HLTF: variants seen among roughly 807,000 people sequenced by gnomAD.
The protein encoded by HLTF is DNA-dependent ATPase/E3 ubiquitin-protein ligase HLTF.
In HLTF, 127 loss-of-function variants were observed where a neutral mutation model predicts 129.4. The observed-to-expected ratio is 0.98, with a 90% CI of 0.85 to 1.14. The LOEUF is 1.14. Among genes scored for constraint, HLTF ranks in the 50% most tolerant of loss-of-function variants. The pLI is 0.00. For missense variants in HLTF, 1,139 were observed against 1,187.1 expected (o/e 0.96, Z 0.60); for synonymous variants, 332 against 388.8 (o/e 0.85, Z 1.72).
At chr3:149,085,737 C>A (rs1452402323) in intron 1 of HLTF, among the ~76,000 whole-genome samples, 1 of 152,188 alleles carries the variant, frequency 6.6e-6, no homozygotes, top group Non-Finnish European at 1.5e-5. Context: ...TTAAGCATAA[C>A]CCCAAACCCA....
chr3:149,040,202 A>C, intron 20 of HLTF, 46 bp from the exon 21 acceptor site: 1 of 1,544,224 alleles, frequency 6.5e-7, no homozygotes, highest in Non-Finnish European at 8.7e-7. Flanking sequence ...ACAGAAGAAC[A>C]AATATAAATA....
At chr3:149,034,416 G>C (rs1197045875) in intron 24 of HLTF, among the ~76,000 whole-genome samples, 1 of 152,160 alleles carries the variant, frequency 6.6e-6, no homozygotes, top group African/African-American at 2.4e-5. Flanking sequence ...GTAGTTGCCA[G>C]GGGCTGGGGG....
chr3:149,035,998 G>A (rs1386717327), intron 23 of HLTF, among the ~76,000 whole-genome samples: 1 of 151,610 alleles, frequency 6.6e-6, no homozygotes, highest in Non-Finnish European at 1.5e-5. Context: ...AGCCGGGCGT[G>A]GTGGCAGGCG....
intron 10 of HLTF, among the ~76,000 whole-genome samples, chr3:149,061,449 T>G (rs1717940816): frequency 6.7e-6 from 1 of 149,270 alleles, no homozygotes. Context: ...AAAATAAATT[T>G]GAAAAACTAA....
In HLTF at chr3:149,084,741, AATC is replaced by A. The variant is rs1720201237; in HGVS notation, c.166_168del (p.Asp56del). 8 of 1,614,112 alleles carry A rather than the reference AATC, an allele frequency of 5.0e-6. No homozygotes were observed. The highest frequency in any genetic ancestry group is 5.1e-6 in the Non-Finnish European group (6 of 1,179,992). On this transcript the variant is annotated inframe_deletion, in exon 2 of 25. Transcript: ENST00000310053. ...CCTCTCAAACTTCCAAATAAAACGGAATCTACTTCTTCATCACTAGTTAGAAAG... is the reference window on the plus strand; with the variant it reads ...CCTCTCAAACTTCCAAATAAAACGGATACTTCTTCATCACTAGTTAGAAAG...
chr3:149,075,980 T>G lies in HLTF; in HGVS notation c.296A>C (p.Lys99Thr). The G allele has an allele frequency of 6.4e-7, 1 of 1,569,364 alleles. No homozygotes were observed. Residue 99 changes from lysine to threonine, a missense_variant, in exon 3 of 25, where the codon AAA becomes ACA. Coordinates refer to ENST00000310053, the MANE Select transcript of HLTF (RefSeq NM_003071.4). The part of the protein sequence containing the change: ...PNNPYDKNAI[K>T]VNNVNGNQVG... ...TTGATTTCCATTCACATTGTTTACT[T>G]TAATTGCATTCTTATCATAAGGGTT...
chr3:149,041,248 A>T (rs545770346), intron 20 of HLTF, among the ~76,000 whole-genome samples: 78 of 152,276 alleles, frequency 5.1e-4, no homozygotes, highest in African/African-American at 1.8e-3. Context: ...TCACATTATC[A>T]ATCCATTTAT....
Position 149,036,297 on chromosome 3 carries a change from G to GTTTTTTTTTTTTTTTTTT in HLTF, c.2797-1300_2797-1299insAAAAAAAAAAAAAAAAAA, listed in dbSNP as rs71135656. 1.5e-4 allele frequency among the ~76,000 whole-genome samples: 16 copies of GTTTTTTTTTTTTTTTTTT among 107,970 alleles called. 3 individuals carry two copies. The highest frequency in any genetic ancestry group is 3.0e-4 in the East Asian group (1 of 3,372). The allele number at this position is 107,970 out of a possible 152,430, so 70.8% of individuals were successfully genotyped here. A position where few individuals can be genotyped will look rare whatever the true frequency, so the allele number is the denominator to read the frequency against. On this transcript the variant is annotated intron_variant, in intron 23 of 24. Transcript: ENST00000310053. ...TTAAATTTTAAATTAAAACTATGAG[G>GTTTTTTTTTTTTTTTTTT]TTTTTTTTTTGAGATGGAGTCTCGC...
At chr3:149,072,236 T>C (rs1393514879) in intron 5 of HLTF, among the ~76,000 whole-genome samples, 4 of 152,216 alleles carry the variant, frequency 2.6e-5, no homozygotes, top group African/African-American at 7.2e-5. Flanking sequence ...GTCACAGTTT[T>C]ATCACAAATA....
At chr3:149,074,943 T>C (rs577890731) in intron 3 of HLTF, among the ~76,000 whole-genome samples, 27 of 152,072 alleles carry the variant, frequency 1.8e-4, no homozygotes, top group African/African-American at 6.3e-4. Context: ...AACTGAAAGA[T>C]TGAAAGAGTT....
intron 24 of HLTF, among the ~76,000 whole-genome samples, chr3:149,034,423 G>C (rs1400067306): frequency 6.6e-6 from 1 of 152,102 alleles, no homozygotes; most frequent in Admixed American, 6.5e-5. Flanking sequence ...CCAGGGGCTG[G>C]GGGGAGAGGA....
At chr3:149,079,468 T>C (rs138305266) in intron 2 of HLTF, among the ~76,000 whole-genome samples, 1,260 of 73,474 alleles carry the variant, frequency 0.017, 22 homozygotes, top group African/African-American at 0.057. Flanking sequence ...TTGTCCTATC[T>C]CATTAAAAAG....
Position 149,071,321 on chromosome 3 carries a change from T to C in HLTF, c.825A>G (p.Ile275Met), listed in dbSNP as rs757416768. Reference protein sequence around the residue: ...EQRNDLYYNTITNFSEKDRPE... With the variant: ...EQRNDLYYNTMTNFSEKDRPE... ...GTCGGTCCTTCTCAGAAAAATTTGT[T>C]ATTGTGTTATAGTATAAGTCATTTC... Residue 275 changes from isoleucine (I) to methionine (M), a missense_variant, in exon 7 of 25, where the codon ATA (isoleucine) becomes ATG (methionine). By Grantham distance (10) the Ile-to-Met change is conservative (BLOSUM62 1). Coordinates refer to ENST00000310053, the MANE Select transcript of HLTF (RefSeq NM_003071.4). 2 of 1,610,886 alleles carry C rather than the reference T, an allele frequency of 1.2e-6. No individual in the cohort carries two copies. Among genetic ancestry groups the C allele is most frequent in the South Asian group, 2.2e-5 (2 of 90,308 alleles).
At chr3:149,065,416 A>C (rs777622439) in intron 8 of HLTF, among the ~76,000 whole-genome samples, 1 of 152,202 alleles carries the variant, frequency 6.6e-6, no homozygotes, top group Non-Finnish European at 1.5e-5. Context: ...AAAGGCACCA[A>C]TGTACATGAA....
At position 149,036,297 on chromosome 3, in the gene HLTF, G is replaced by GTTTTTTTTT. The variant is rs71135656; in HGVS notation, c.2797-1308_2797-1300dup. ...TTAAATTTTAAATTAAAACTATGAG[G>GTTTTTTTTT]TTTTTTTTTTGAGATGGAGTCTCGC... On this transcript the variant is annotated intron_variant, in intron 23 of 24. Transcript: ENST00000310053. Among the ~76,000 whole-genome samples, 7 of 107,982 alleles carry GTTTTTTTTT rather than the reference G, an allele frequency of 6.5e-5. 2 individuals are homozygous for GTTTTTTTTT. The highest frequency in any genetic ancestry group is 1.1e-4 in the Admixed American group (1 of 8,808). The allele number at this position is 107,982 out of a possible 152,430, so 70.8% of individuals were successfully genotyped here.
At chr3:149,057,528 T>C (rs564184364) in intron 13 of HLTF, among the ~76,000 whole-genome samples, 105 of 152,342 alleles carry the variant, frequency 6.9e-4, no homozygotes, top group Non-Finnish European at 1.1e-3. Flanking sequence ...CAGGGCAGAC[T>C]GTGGGACTTG....
intron 5 of HLTF, 61 bp from the exon 6 acceptor site, chr3:149,071,718 T>A: frequency 9.7e-7 from 1 of 1,034,436 alleles, no homozygotes; most frequent in Non-Finnish European, 1.5e-6. Context: ...TACTTGCATT[T>A]AAGTCAGATT....
In HLTF at chr3:149,068,268, TCAATA is replaced by T; in HGVS notation, c.957_961del (p.Ile320LysfsTer3). The T allele has an allele frequency of 6.4e-7, 1 of 1,558,664 alleles. No individual in the cohort carries two copies. The highest frequency in any genetic ancestry group is 8.8e-7 in the Non-Finnish European group (1 of 1,135,130). ...CTTCAGTAGATTCTTTTTAACTCTT[TCAATA>T]GGAAGAGGTCTGCCATCATGGAAGT... On this transcript the variant is annotated frameshift_variant, in exon 8 of 25. Transcript: ENST00000310053. LOFTEE classifies it high-confidence loss of function.
Position 149,048,127 on chromosome 3 carries a change from GACC to G in HLTF, c.1790_1792del (p.Trp597del). The G allele has an allele frequency of 1.2e-6, 2 of 1,611,700 alleles. No individual in the cohort carries two copies. The highest frequency in any genetic ancestry group is 1.7e-6 in the Non-Finnish European group (2 of 1,178,778). On this transcript the variant is annotated inframe_deletion, in exon 17 of 25. Coordinates refer to ENST00000310053, the MANE Select transcript of HLTF (RefSeq NM_003071.4). ...TTTAAGTTTTAAAAAGGAAAGAAGAGACCACAAGTCCTTTAAAGAATTCTGGAT... is the reference window on the plus strand; with the variant it reads ...TTTAAGTTTTAAAAAGGAAAGAAGAGACAAGTCCTTTAAAGAATTCTGGAT...
Sources: allele counts gnomAD v4.1 joint callset (sites outside exome capture counted in the v4.1 genomes callset), GRCh38; gene constraint gnomAD v4.1.1; transcripts MANE v1.5; gene names NCBI Gene and HGNC (gene_info 2026-07-23, HGNC 2026-07-21).